CASK: variants seen among roughly 807,000 people sequenced by gnomAD.
The protein encoded by CASK is calcium/calmodulin dependent serine protein kinase.
Under a neutral mutation model 82.9 loss-of-function variants are expected in CASK, and 4 were observed. That is an observed-to-expected ratio of 0.05 (90% CI 0.02 to 0.11). The LOEUF is 0.11. CASK is among the 10% of genes least tolerant of loss of function. CASK has a pLI of 1.00. For missense variants in CASK, 358 were observed against 720.9 expected (o/e 0.50, Z 5.76); for synonymous variants, 259 against 253.5 (o/e 1.02, Z -0.20).
intron 1 of CASK, among the ~76,000 whole-genome samples, chrX:41,891,162 T>C (rs1338923520): frequency 1.8e-5 from 2 of 110,472 alleles, no homozygotes; most frequent in Admixed American, 1.9e-4. Flanking sequence ...AGTACTGGGA[T>C]TACAAGTGTT....
Position 41,520,506 on chromosome X carries a change from T to C in CASK, c.2695A>G (p.Ile899Val). ...TCCAGATGTCTGATTGTCTCATCAA[T>C]TTCATTGTTGATAATTGTGAGATCG... is the stretch of plus-strand genomic sequence containing the variant. Reference protein sequence around the residue: ...YFDLTIINNEIDETIRHLEEA... With the variant: ...YFDLTIINNEVDETIRHLEEA... Residue 899 changes from isoleucine (I) to valine (V), a missense_variant, in exon 27 of 27, where the codon ATT (isoleucine) becomes GTT (valine). By Grantham distance (29) the Ile-to-Val change is conservative. Coordinates refer to ENST00000378163, the MANE Select transcript of CASK (RefSeq NM_001367721.1). 8.3e-7 allele frequency: 1 copy of C among 1,208,166 alleles called. No homozygotes were observed. Among genetic ancestry groups the C allele is most frequent in the South Asian group, 1.8e-5 (1 of 56,884 alleles).
At position 41,574,666 on chromosome X, in the gene CASK, C is replaced by T. The variant is rs774822578; in HGVS notation, c.1503+3674G>A. 5.1e-4 allele frequency among the ~76,000 whole-genome samples: 57 copies of T among 111,684 alleles called. 1 individual carries two copies. The highest frequency in any genetic ancestry group is 8.1e-4 in the Non-Finnish European group (43 of 53,132). Reference sequence around the variant, plus strand: ...ATTTTAAATAATGCTGACTCTTAAACCCACTCTTTAGATTTAAGCTCAGGA... The same window carrying T: ...ATTTTAAATAATGCTGACTCTTAAATCCACTCTTTAGATTTAAGCTCAGGA... On this transcript the variant is annotated intron_variant, in intron 15 of 26. Transcript: ENST00000378163.
chrX:41,769,443 G>C (rs1276629213), intron 3 of CASK, among the ~76,000 whole-genome samples: 1 of 110,361 alleles, frequency 9.1e-6, no homozygotes, highest in Non-Finnish European at 1.9e-5. Context: ...GGGAAAATGA[G>C]TGAGAATTCA....
chrX:41,791,474 G>A (rs935677277), intron 2 of CASK, among the ~76,000 whole-genome samples: 7 of 110,577 alleles, frequency 6.3e-5, no homozygotes, highest in Non-Finnish European at 1.1e-4. Flanking sequence ...TGTAATCCCA[G>A]CACTTTGGGA....
chrX:41,595,521 CCT>C (rs1156933180), intron 12 of CASK, among the ~76,000 whole-genome samples: 1 of 111,633 alleles, frequency 9.0e-6, no homozygotes, highest in Non-Finnish European at 1.9e-5. Context: ...AGGAGGGTTC[CCT>C]GAGCCCAGGA....
chrX:41,672,434 A>T (rs2067209275), intron 5 of CASK, among the ~76,000 whole-genome samples: 1 of 111,125 alleles, frequency 9.0e-6, no homozygotes, highest in Admixed American at 9.5e-5. Flanking sequence ...CTAAAACTAC[A>T]TCTGACCGGC....
intron 2 of CASK, among the ~76,000 whole-genome samples, chrX:41,852,619 C>G (rs1368833929): frequency 9.0e-6 from 1 of 111,293 alleles, no homozygotes; most frequent in Non-Finnish European, 1.9e-5. Flanking sequence ...CCTAACAGTA[C>G]TGACCTTTCA....
chrX:41,725,270 T>C (rs1225572546), intron 5 of CASK, among the ~76,000 whole-genome samples: 1 of 111,858 alleles, frequency 8.9e-6, no homozygotes, highest in Non-Finnish European at 1.9e-5. Context: ...TAAAAAGTTA[T>C]TATAAAATTA....
chrX:41,770,257 C>CATCT (rs751579544), intron 3 of CASK, among the ~76,000 whole-genome samples: 16,999 of 86,143 alleles, frequency 0.2, 1,848 homozygotes, highest in East Asian at 0.52. Context: ...ATCTATCTAT[C>CATCT]ATCTATCTAT....
At chrX:41,612,310 C>T (rs1206111533) in intron 11 of CASK, among the ~76,000 whole-genome samples, 7 of 110,495 alleles carry the variant, frequency 6.3e-5, no homozygotes, top group African/African-American at 2.3e-4. Context: ...CTCTGCCCCG[C>T]CGCCCCGTCT....
At chrX:41,542,862 AAATAG>A in intron 21 of CASK, 56 bp from the exon 22 acceptor site, 1 of 726,521 alleles carries the variant, frequency 1.4e-6, no homozygotes, top group Non-Finnish European at 2.1e-6. Context: ...CTGGTTGATA[AAATAG>A]AAGAGTCATC....
chrX:41,744,313 C>T (rs948779044), intron 4 of CASK, among the ~76,000 whole-genome samples: 1 of 109,069 alleles, frequency 9.2e-6, no homozygotes, highest in African/African-American at 3.3e-5. Context: ...TGGCCCAGCA[C>T]GTGCATGGCT....
chrX:41,843,789 C>T (rs1399479026), intron 2 of CASK, among the ~76,000 whole-genome samples: 2 of 111,298 alleles, frequency 1.8e-5, no homozygotes, highest in Admixed American at 1.9e-4. Context: ...TATGTAATCT[C>T]GTGTGACTTG....
intron 1 of CASK, among the ~76,000 whole-genome samples, chrX:41,909,681 T>C (rs2072528200): frequency 9.1e-6 from 1 of 110,474 alleles, no homozygotes; most frequent in African/African-American, 3.3e-5. Flanking sequence ...CTCGGCTCAC[T>C]GCAAACTATG....
chrX:41,664,637 C>T (rs186616591), intron 7 of CASK, among the ~76,000 whole-genome samples: 46 of 112,158 alleles, frequency 4.1e-4, no homozygotes, highest in African/African-American at 1.5e-3. Context: ...GTGAAATCAA[C>T]TTTAAGCTTA....
intron 5 of CASK, among the ~76,000 whole-genome samples, chrX:41,710,876 G>A (rs1156287811): frequency 8.9e-6 from 1 of 112,352 alleles, no homozygotes; most frequent in Non-Finnish European, 1.9e-5. Flanking sequence ...CAAAAGGACA[G>A]TGTTCGGAGA....
At chrX:41,552,189 G>A (rs1569301389) in intron 21 of CASK, among the ~76,000 whole-genome samples, 1 of 108,918 alleles carries the variant, frequency 9.2e-6, no homozygotes, top group Non-Finnish European at 1.9e-5. Context: ...TGCCCACCTC[G>A]GCGTCCCAGA....
At chrX:41,801,561 C>T (rs1231556672) in intron 2 of CASK, among the ~76,000 whole-genome samples, 2 of 111,526 alleles carry the variant, frequency 1.8e-5, no homozygotes, top group African/African-American at 6.5e-5. Flanking sequence ...TTCAATAAGG[C>T]GAGCCAGTAA....
At chrX:41,640,770 T>G (rs1268382142) in intron 8 of CASK, among the ~76,000 whole-genome samples, 1 of 111,393 alleles carries the variant, frequency 9.0e-6, no homozygotes, top group Non-Finnish European at 1.9e-5. Context: ...GCAAATATGT[T>G]TAAGTTTACT....
Sources: allele counts gnomAD v4.1 joint callset (sites outside exome capture counted in the v4.1 genomes callset), GRCh38; gene constraint gnomAD v4.1.1; transcripts MANE v1.5; gene names NCBI Gene and HGNC (gene_info 2026-07-23, HGNC 2026-07-21).